Variants in SFSWAP observed in about 807,000 individuals in gnomAD.
SFSWAP encodes the protein splicing factor SWAP, also known as splicing factor, suppressor of white-apricot homolog.
SFSWAP carries 17 observed loss-of-function variants against 100.7 expected under a neutral mutation model. The ratio of observed to expected loss-of-function variants is 0.17; its 90% CI spans 0.12 to 0.25. The LOEUF (loss-of-function observed/expected upper bound fraction) is 0.25. Among genes scored for constraint, SFSWAP ranks in the 10% least tolerant of loss-of-function variants. The probability of loss-of-function intolerance (pLI) is 1.00; values close to 1 mark genes in which losing one functional copy is unlikely to be tolerated. For missense variants in SFSWAP, 1,005 were observed against 1,262.6 expected (o/e 0.80, Z 3.09); for synonymous variants, 504 against 510.1 (o/e 0.99, Z 0.16).
At chr12:131,740,558 G>A (rs1880507778) in intron 7 of SFSWAP, among the ~76,000 whole-genome samples, 1 of 152,148 alleles carries the variant, frequency 6.6e-6, no homozygotes, top group Admixed American at 6.5e-5. Flanking sequence ...CCACGCATTG[G>A]TGCCTCTGCT....
Position 131,797,415 on chromosome 12 carries a change from G to A in SFSWAP, c.2717+55G>A. 1.4e-6 allele frequency: 2 copies of A among 1,475,506 alleles called. 1 individual carries two copies. Among genetic ancestry groups the A allele is most frequent in the Non-Finnish European group, 1.8e-6 (2 of 1,087,052 alleles). 91.4% of individuals were successfully genotyped at this position (1,475,506 alleles called of 1,614,324 possible). ...GGGGAAAGGCAAGGGGCGGCCAGCAGGACTCTCCCTCCTCCCTGAGTCCTT... is the reference window on the plus strand; with the variant it reads ...GGGGAAAGGCAAGGGGCGGCCAGCAAGACTCTCCCTCCTCCCTGAGTCCTT... On this transcript the variant is annotated intron_variant, in intron 16 of 17. Coordinates refer to ENST00000261674, the MANE Select transcript of SFSWAP (RefSeq NM_004592.4).
intron 5 of SFSWAP, among the ~76,000 whole-genome samples, chr12:131,726,166 G>GCA (rs1555241036): frequency 6.9e-6 from 1 of 144,902 alleles, no homozygotes; most frequent in East Asian, 2.6e-4. Flanking sequence ...TCATATATAT[G>GCA]TATATATATA....
rs751323349 is a variant in SFSWAP at position 131,754,480 on chromosome 12, C to T, written c.1435C>T (p.Arg479Cys). The T allele has an allele frequency of 1.9e-6, 3 of 1,598,112 alleles. No individual in the cohort carries two copies. The highest frequency in any genetic ancestry group is 2.6e-6 in the Non-Finnish European group (3 of 1,173,630). The part of the protein sequence containing the change: ...RNGLKFETSV[R>C]AKNDQRFEFL... ...CGGCCTGAAGTTCGAGACCAGTGTTCGTGCCAAGAATGATCAAAGGTCAGA... is the reference window on the plus strand; with the variant it reads ...CGGCCTGAAGTTCGAGACCAGTGTTTGTGCCAAGAATGATCAAAGGTCAGA... The change falls in exon 9 of 18, where the codon CGT becomes TGT. Residue 479 changes from arginine (R) to cysteine (C), a missense_variant. Physicochemically the swap from Arg to Cys is radical, Grantham distance 180 (BLOSUM62 -3). Around this residue, in one of 7 missense-constraint regions of SFSWAP, gnomAD observed 311 missense variants for 317.8 expected, o/e 0.98. Transcript: ENST00000261674.
At chr12:131,758,145 G>A (rs1882347999) in intron 11 of SFSWAP, 2 of 152,944 alleles carry the variant, frequency 1.3e-5, no homozygotes, top group Non-Finnish European at 2.9e-5. Context: ...TGAGCCCAGG[G>A]AAGGCGCCTG....
chr12:131,763,999 G>A (rs1013882556), intron 11 of SFSWAP, among the ~76,000 whole-genome samples: 11 of 152,048 alleles, frequency 7.2e-5, no homozygotes, highest in Non-Finnish European at 1.2e-4. Flanking sequence ...GGCAGCGGGC[G>A]CCTGTACTCC....
chr12:131,796,020 G>GGGGGA (rs1237050997), intron 15 of SFSWAP: 1 of 5,170 alleles, frequency 1.9e-4, no homozygotes, highest in Admixed American at 1.4e-3. Context: ...GGAGGGGAGA[G>GGGGGA]GGGGAGGGGA....
intron 11 of SFSWAP, among the ~76,000 whole-genome samples, chr12:131,764,230 C>T (rs989131503): frequency 6.6e-5 from 10 of 152,214 alleles, no homozygotes; most frequent in African/African-American, 2.2e-4. Context: ...CCAGTCAGTG[C>T]GGTTCTCACA....
chr12:131,741,027 C>T (rs1435985665), intron 7 of SFSWAP, among the ~76,000 whole-genome samples: 1 of 118,862 alleles, frequency 8.4e-6, no homozygotes, highest in Non-Finnish European at 1.6e-5. Flanking sequence ...AGCTGGAGTG[C>T]AGTGGCACGA....
chr12:131,796,824 T>G, intron 15 of SFSWAP: 1 of 199,766 alleles, frequency 5.0e-6, no homozygotes, highest in Non-Finnish European at 1.0e-5. Context: ...GTATTGATAC[T>G]TTAATAAATT....
intron 11 of SFSWAP, chr12:131,757,051 A>G (rs1882239123): frequency 1.2e-5 from 2 of 163,840 alleles, no homozygotes; most frequent in African/African-American, 4.8e-5. Context: ...ACTCGATTTC[A>G]GTTACTTTGT....
chr12:131,738,703 T>C (rs944261431), intron 7 of SFSWAP, among the ~76,000 whole-genome samples: 4 of 152,136 alleles, frequency 2.6e-5, no homozygotes, highest in African/African-American at 9.7e-5. Context: ...TTTCTTTGCA[T>C]TTAATATATC....
chr12:131,728,325 C>T lies in SFSWAP; in HGVS notation c.978C>T (p.Leu326=), dbSNP rs151066029. ...PLKVVDPDHP[L]AALVRKAQAD... Reference sequence around the variant, plus strand: ...AGGTAGTGGACCCAGATCATCCCCTCGCAGCACTTGTTCGTAAGGCACAGG... The same window carrying T: ...AGGTAGTGGACCCAGATCATCCCCTTGCAGCACTTGTTCGTAAGGCACAGG... The change falls in exon 7 of 18, where the codon CTC becomes CTT. Residue 326 remains leucine (L), a synonymous_variant. Coordinates refer to ENST00000261674, the MANE Select transcript of SFSWAP (RefSeq NM_004592.4). 126 of 1,614,208 alleles carry T rather than the reference C, an allele frequency of 7.8e-5. 2 individuals carry two copies. In the African/African-American group the frequency reaches 1.4e-3, roughly 18 times the overall value.
chr12:131,786,412 C>CA, intron 14 of SFSWAP, 51 bp from the exon 15 acceptor site: 1 of 1,539,876 alleles, frequency 6.5e-7, no homozygotes, highest in Non-Finnish European at 8.8e-7. Flanking sequence ...AAGCATGACA[C>CA]GTCCCGCCAG....
chr12:131,756,517 G>A lies in SFSWAP; in HGVS notation c.1593G>A (p.Glu531=). ...AGGCTCCCACAGACTCTGCTCCCGA[G>A]AAGCCAAGTGATGCTGGGGAGGATG... is the stretch of plus-strand genomic sequence containing the variant. The part of the protein sequence containing the change: ...PEEAPTDSAP[E]KPSDAGEDGA... Residue 531 remains glutamate, a synonymous_variant, in exon 11 of 18, where the codon GAG becomes GAA. Transcript: ENST00000261674. The A allele has an allele frequency of 6.2e-7, 1 of 1,614,150 alleles. No homozygotes were observed. The highest frequency in any genetic ancestry group is 1.1e-5 in the South Asian group (1 of 91,084).
intron 15 of SFSWAP, chr12:131,795,992 G>C (rs1275196420): frequency 1.4e-5 from 1 of 72,924 alleles, no homozygotes. Flanking sequence ...GGAGGGGAGG[G>C]GAGAGGGGGA....
Position 131,797,246 on chromosome 12 carries a change from C to T in SFSWAP, c.2603C>T (p.Ser868Leu). Residue 868 changes from serine (S) to leucine (L), a missense_variant, in exon 16 of 18, where the codon TCG (serine) becomes TTG (leucine). Physicochemically the swap from Ser to Leu is moderately radical, Grantham distance 145 (BLOSUM62 -2). Transcript: ENST00000261674. Reference protein sequence around the residue: ...SRTKSKARSQSVSPSKQAAPR... With the variant: ...SRTKSKARSQLVSPSKQAAPR... ...ACCAAGTCCAAGGCCAGGTCTCAGTCGGTGTCACCCAGCAAGCAGGCAGCG... is the reference window on the plus strand; with the variant it reads ...ACCAAGTCCAAGGCCAGGTCTCAGTTGGTGTCACCCAGCAAGCAGGCAGCG... The T allele has an allele frequency of 2.5e-6, 4 of 1,612,652 alleles. No individual in the cohort carries two copies. The highest frequency in any genetic ancestry group is 3.4e-6 in the Non-Finnish European group (4 of 1,179,830).
chr12:131,757,998 G>C (rs938456354), intron 11 of SFSWAP: 3 of 152,812 alleles, frequency 2.0e-5, no homozygotes, highest in Non-Finnish European at 4.4e-5. Context: ...GACTCCAGGG[G>C]AGTCGACTGT....
At chr12:131,774,123 G>A (rs1007893631) in intron 13 of SFSWAP, among the ~76,000 whole-genome samples, 3 of 152,206 alleles carry the variant, frequency 2.0e-5, no homozygotes, top group South Asian at 2.1e-4. Flanking sequence ...GTGTGGCTGC[G>A]GGGCACGGGG....
chr12:131,753,051 G>T, intron 7 of SFSWAP, 72 bp from the exon 8 acceptor site: 1 of 1,582,432 alleles, frequency 6.3e-7, no homozygotes, highest in Non-Finnish European at 8.6e-7. Flanking sequence ...AAGGGCTCTT[G>T]TGGCTGCATT....
Sources: gnomAD v4.1 joint callset for allele counts (sites outside exome capture counted in the v4.1 genomes callset) on GRCh38, gnomAD v4.1.1 for gene constraint, gnomAD v4.1.1 regional missense constraint, MANE v1.5 for transcripts, NCBI Gene and HGNC (gene_info 2026-07-23, HGNC 2026-07-21) for gene names.